AK6: variants seen among roughly 807,000 people sequenced by gnomAD.
AK6 encodes adenylate kinase 6.
AK6 carries 24 observed loss-of-function variants against 23.7 expected under a neutral mutation model. The ratio of observed to expected loss-of-function variants is 1.01; its 90% CI spans 0.73 to 1.43. AK6 has a LOEUF of 1.43. AK6 is among the 40% of genes most tolerant of loss of function. AK6 has a pLI of 0.00. For missense variants in AK6, 191 were observed against 199.1 expected (o/e 0.96, Z 0.24); for synonymous variants, 73 against 69.8 (o/e 1.05, Z -0.23).
At chr5:69,360,541 A>G (rs1762203105) in intron 2 of AK6, among the ~76,000 whole-genome samples, 1 of 152,214 alleles carries the variant, frequency 6.6e-6, no homozygotes, top group Non-Finnish European at 1.5e-5. Context: ...TTAAGTCATC[A>G]GCACAAGGGA....
intron 1 of AK6, among the ~76,000 whole-genome samples, chr5:69,368,634 T>A (rs908475531): frequency 1.3e-5 from 2 of 152,194 alleles, no homozygotes; most frequent in African/African-American, 4.8e-5. Context: ...TACCTTTGGG[T>A]GAATGATGTA....
At chr5:69,369,120 C>A (rs187205506) in intron 1 of AK6, 56 of 422,192 alleles carry the variant, frequency 1.3e-4, no homozygotes, top group African/African-American at 1.1e-3. Flanking sequence ...AATCCCAAGG[C>A]CAACCCTGCC....
rs766334114 is a variant in AK6, at chr5:69,369,427, G to C, written c.28+36C>G. The stretch of plus-strand genomic sequence containing the variant: ...CCAGAGCACTCTGCGCCCCCAGCCT[G>C]CCCCAGCCCAGTCCCTCCCGGCCGC... On this transcript the variant is annotated intron_variant, in intron 1 of 4. Coordinates refer to ENST00000380822, the MANE Select transcript of AK6 (RefSeq NM_016283.5). 4.4e-6 allele frequency: 7 copies of C among 1,605,902 alleles called. No individual in the cohort carries two copies. In the South Asian group the frequency reaches 6.6e-5, roughly 15 times the overall value.
chr5:69,352,201 C>A lies in AK6; in HGVS notation c.379G>T (p.Val127Phe). 6.2e-7 allele frequency: 1 copy of A among 1,613,856 alleles called. No individual in the cohort carries two copies. The highest frequency in any genetic ancestry group is 8.5e-7 in the Non-Finnish European group (1 of 1,179,866). Reference protein sequence around the residue: ...TDNIQCEIFQVLYEEATASYK... With the variant: ...TDNIQCEIFQFLYEEATASYK... ...GATGCTGTGGCTTCTTCATAAAGAA[C>A]TTGAAAAATCTCACACTGAATATTG... The change falls in exon 5 of 5, where the codon GTT becomes TTT. Residue 127 changes from valine (V) to phenylalanine (F), a missense_variant. Coordinates refer to ENST00000380822, the MANE Select transcript of AK6 (RefSeq NM_016283.5).
At chr5:69,367,472 A>G (rs1434319344) in intron 1 of AK6, among the ~76,000 whole-genome samples, 2 of 147,644 alleles carry the variant, frequency 1.4e-5, no homozygotes, top group Non-Finnish European at 3.0e-5. Context: ...ATCGCGCCAC[A>G]GCACTCCAGC....
At chr5:69,364,597 T>C in intron 2 of AK6, 1 of 347,948 alleles carries the variant, frequency 2.9e-6, no homozygotes, top group South Asian at 3.5e-5. Context: ...CTATGATCTA[T>C]GTATCTGAAG....
intron 2 of AK6, chr5:69,364,989 T>C: frequency 5.0e-6 from 8 of 1,613,828 alleles, no homozygotes; most frequent in Non-Finnish European, 6.8e-6. Context: ...ATCATCATCA[T>C]CTTCACGTTT....
chr5:69,369,741 A>T (rs1291845120), upstream of AK6: 2 of 1,535,536 alleles, frequency 1.3e-6, no homozygotes, highest in African/African-American at 2.8e-5. Context: ...AGTGCGCTGG[A>T]TGCCTAAGTC....
Position 69,356,177 on chromosome 5 carries a change from C to T in AK6, c.122-224G>A, listed in dbSNP as rs148871904. Among the ~76,000 whole-genome samples the T allele has an allele frequency of 2.2e-3, 340 of 152,248 alleles. 1 individual carries two copies. The highest frequency in any genetic ancestry group is 4.2e-3 in the Admixed American group (64 of 15,272). On this transcript the variant is annotated intron_variant, in intron 2 of 4. Coordinates refer to ENST00000380822, the MANE Select transcript of AK6 (RefSeq NM_016283.5). ...GAGGGAAACTTGGATTGCAATATAT[C>T]TGAAACTGCTTTAAATATCAAAACT...
At chr5:69,355,463 G>A in intron 4 of AK6, 186 bp downstream of exon 4, 1 of 548,650 alleles carries the variant, frequency 1.8e-6, no homozygotes, top group Non-Finnish European at 3.1e-6. Flanking sequence ...CCAGGGAGGT[G>A]GAGGTTGCAG....
chr5:69,367,504 C>CAA (rs34070239), intron 1 of AK6, among the ~76,000 whole-genome samples: 37,371 of 93,548 alleles, frequency 0.4, 7,230 homozygotes, highest in Non-Finnish European at 0.5. Context: ...GACTCCATCT[C>CAA]AAAAAAAAAA....
At chr5:69,369,551 G>T, upstream of AK6, 1 of 1,609,548 alleles carries the variant, frequency 6.2e-7, no homozygotes, top group Non-Finnish European at 8.5e-7. Flanking sequence ...ACAGGGAGGA[G>T]CCGGAAGGGG....
At chr5:69,355,022 G>T (rs1055949621) in intron 4 of AK6, among the ~76,000 whole-genome samples, 3 of 151,958 alleles carry the variant, frequency 2.0e-5, no homozygotes, top group African/African-American at 7.3e-5. Context: ...GTAGTGACAG[G>T]ATTTCACCAT....
intron 2 of AK6, 84 bp downstream of exon 2, chr5:69,366,415 TACCC>T: frequency 1.0e-6 from 1 of 987,488 alleles, no homozygotes; most frequent in Admixed American, 2.0e-5. Flanking sequence ...CTGTTTTTTG[TACCC>T]TATGACAATA....
At position 69,367,628 on chromosome 5, in the gene AK6, C is replaced by A. The variant is rs181283088; in HGVS notation, c.29-1033G>T. 7.8e-4 allele frequency among the ~76,000 whole-genome samples: 119 copies of A among 152,146 alleles called. 1 individual carries two copies. The highest frequency in any genetic ancestry group is 4.4e-5 in the Non-Finnish European group (3 of 68,018). On this transcript the variant is annotated intron_variant, in intron 1 of 4. Transcript: ENST00000380822. Reference sequence around the variant, plus strand: ...CTGGAGTGCAGTGGAACTTGGCTCACTAGAGCCTTTACCTCCTGGGCTCAA... The same window carrying A: ...CTGGAGTGCAGTGGAACTTGGCTCAATAGAGCCTTTACCTCCTGGGCTCAA...
At chr5:69,358,534 A>G (rs1166270012) in intron 2 of AK6, among the ~76,000 whole-genome samples, 2 of 151,146 alleles carry the variant, frequency 1.3e-5, no homozygotes, top group Non-Finnish European at 3.0e-5. Context: ...AAAAAAAAAA[A>G]AAAAAAAAGA....
At chr5:69,365,925 T>C (rs566332198) in intron 2 of AK6, among the ~76,000 whole-genome samples, 2 of 152,350 alleles carry the variant, frequency 1.3e-5, no homozygotes, top group East Asian at 3.9e-4. Flanking sequence ...AAGGTCGCTT[T>C]AATTTATTGA....
Position 69,365,493 on chromosome 5 carries a change from G to C in AK6, c.121+1010C>G, listed in dbSNP as rs1317220766. 14 of 1,614,062 alleles carry C rather than the reference G, an allele frequency of 8.7e-6. No individual in the cohort carries two copies. The highest frequency in any genetic ancestry group is 3.4e-6 in the Non-Finnish European group (4 of 1,180,026). ...ATCTCTTGGGGGAGGAGAGGTAAAAGACTGATCAGCGCGGCACTGGATTGC... is the reference window on the plus strand; with the variant it reads ...ATCTCTTGGGGGAGGAGAGGTAAAACACTGATCAGCGCGGCACTGGATTGC... On this transcript the variant is annotated intron_variant, in intron 2 of 4. Transcript: ENST00000380822.
At chr5:69,354,927 G>A (rs927147237) in intron 4 of AK6, among the ~76,000 whole-genome samples, 1 of 152,144 alleles carries the variant, frequency 6.6e-6, no homozygotes, top group African/African-American at 2.4e-5. Flanking sequence ...CCAGGTTCAC[G>A]TCGTTCTCCT....
Sources: gnomAD v4.1 joint callset for allele counts (sites outside exome capture counted in the v4.1 genomes callset) on GRCh38, gnomAD v4.1.1 for gene constraint, MANE v1.5 for transcripts, NCBI Gene and HGNC (gene_info 2026-07-23, HGNC 2026-07-21) for gene names.